TGFBR3L: variants seen among roughly 807,000 people sequenced by gnomAD.
The protein encoded by TGFBR3L is transforming growth factor-beta receptor type 3-like protein.
In TGFBR3L, 21 loss-of-function variants were observed where a neutral mutation model predicts 20.4. The ratio of observed to expected loss-of-function variants is 1.03; its 90% CI spans 0.73 to 1.48. The LOEUF is 1.48. TGFBR3L is among the 40% of genes most tolerant of loss of function. The probability of loss-of-function intolerance (pLI) is 0.00; values close to 1 mark genes in which losing one functional copy is unlikely to be tolerated. For synonymous variants in TGFBR3L, 245 were observed against 244.2 expected (o/e 1.00, Z -0.03); for missense variants, 479 against 498.0 (o/e 0.96, Z 0.36).
chr19:7,917,391 C>A, intron 2 of TGFBR3L, 82 bp from the exon 4 acceptor site: 3 of 1,453,788 alleles, frequency 2.1e-6, no homozygotes, highest in Non-Finnish European at 2.7e-6. Context: ...GGACTCAGGT[C>A]TCTCTTGGGG....
At position 7,916,744 on chromosome 19, in the gene TGFBR3L, C is replaced by G. The variant is rs765661160; in HGVS notation, c.399C>G (p.Asp133Glu). The stretch of plus-strand genomic sequence containing the variant: ...TGCTGCGTGAGGGCTGCCCCGCCGA[C>G]ACCTCTGTCGCCTTCCCGCCACCGC... Residue 133 changes from aspartate to glutamate, a missense_variant, in exon 2 of 6, where the codon GAC (aspartate) becomes GAG (glutamate). Asp to Glu is a conservative substitution (Grantham distance 45). Coordinates refer to ENST00000565886, the MANE Select transcript of TGFBR3L (RefSeq NM_001195259.2). 6.7e-7 allele frequency: 1 copy of G among 1,491,664 alleles called. No individual in the cohort carries two copies. Among genetic ancestry groups the G allele is most frequent in the South Asian group, 1.3e-5 (1 of 79,362 alleles). 92.4% of individuals were successfully genotyped at this position (1,491,664 alleles called of 1,614,324 possible).
chr19:7,915,386 C>T lies in TGFBR3L; in HGVS notation c.-882C>T, dbSNP rs565149792. Among the ~76,000 whole-genome samples the T allele has an allele frequency of 6.6e-6, 1 of 152,268 alleles. No homozygotes were observed. The highest frequency in any genetic ancestry group is 1.9e-4 in the East Asian group (1 of 5,176). ...CCCCATCCCAAGGGTGGCTCACATCCCCACTTCGGCAAAGCTCCCTGCAGC... is the reference window on the plus strand; with the variant it reads ...CCCCATCCCAAGGGTGGCTCACATCTCCACTTCGGCAAAGCTCCCTGCAGC... On this transcript the variant is annotated 5_prime_UTR_variant, in exon 1 of 6. Coordinates refer to ENST00000565886, the MANE Select transcript of TGFBR3L (RefSeq NM_001195259.2).
At chr19:7,918,752 G>T (rs1019038992) in intron 5 of TGFBR3L, 165 bp from the exon 7 acceptor site, 7 of 396,568 alleles carry the variant, frequency 1.8e-5, no homozygotes, top group African/African-American at 1.2e-4. Flanking sequence ...CGAGCCAGGG[G>T]CATTAGGTGA....
chr19:7,915,196 A>C lies in TGFBR3L; in HGVS notation c.-1072A>C, dbSNP rs940583968. On this transcript the variant is annotated 5_prime_UTR_variant, in exon 1 of 6. Transcript: ENST00000565886. ...CCCCATGTTGGCCAGGCTGGTCTCG[A>C]ACTCCTGACCTCAGGCGATCCGCCC... 6.6e-6 allele frequency among the ~76,000 whole-genome samples: 1 copy of C among 152,104 alleles called. No individual in the cohort carries two copies. Among genetic ancestry groups the C allele is most frequent in the Non-Finnish European group, 1.5e-5 (1 of 68,006 alleles).
chr19:7,917,624 T>G, intron 3 of TGFBR3L, 25 bp downstream of exon 4: 1 of 1,434,986 alleles, frequency 7.0e-7, no homozygotes, highest in South Asian at 1.4e-5. Context: ...CTCCTCCGCA[T>G]GGGGCCGTGG....
chr19:7,918,385 C>T (rs1482933920), intron 5 of TGFBR3L, among the ~76,000 whole-genome samples: 6 of 152,136 alleles, frequency 3.9e-5, no homozygotes, highest in Admixed American at 6.5e-5. Flanking sequence ...TACAGGCATG[C>T]GCCACCACAC....
At position 7,914,927 on chromosome 19, in the gene TGFBR3L, T is replaced by C. The variant is rs1983206487; in HGVS notation, c.-1341T>C. Among the ~76,000 whole-genome samples the C allele has an allele frequency of 6.6e-6, 1 of 152,148 alleles. No homozygotes were observed. The highest frequency in any genetic ancestry group is 1.5e-5 in the Non-Finnish European group (1 of 68,018). On this transcript the variant is annotated 5_prime_UTR_variant, in exon 1 of 6. Coordinates refer to ENST00000565886, the MANE Select transcript of TGFBR3L (RefSeq NM_001195259.2). ...ACCTTACCCAGCGGGCCACCTGGTA[T>C]GTATGGGCAGGGAGGTGACGGGTCT...
At position 7,916,999 on chromosome 19, in the gene TGFBR3L, G is replaced by A. The variant is rs539194875; in HGVS notation, c.597+57G>A. The A allele has an allele frequency of 1.5e-3, 1,896 of 1,262,064 alleles. 3 individuals carry two copies. Among genetic ancestry groups the A allele is most frequent in the Middle Eastern group, 2.1e-3 (7 of 3,268 alleles). The allele number at this position is 1,262,064 out of a possible 1,614,324, so 78.2% of individuals were successfully genotyped here. On this transcript the variant is annotated intron_variant, in intron 2 of 5. Coordinates refer to ENST00000565886, the MANE Select transcript of TGFBR3L (RefSeq NM_001195259.2). The stretch of plus-strand genomic sequence containing the variant: ...CTGGGGCCCTTCGGGGGCTGGGCAC[G>A]GGCGACTCTGGCAGTGGAAAGAGGA...
chr19:7,916,213 A>G lies in TGFBR3L; in HGVS notation c.-55A>G. ...TCAGTTGCTGGGCTGTGCGAGTCCC[A>G]GGGGTCGCCAGGGGGCACATCACCG... On this transcript the variant is annotated 5_prime_UTR_variant, in exon 1 of 6. Coordinates refer to ENST00000565886, the MANE Select transcript of TGFBR3L (RefSeq NM_001195259.2). 6.6e-7 allele frequency: 1 copy of G among 1,506,524 alleles called. No homozygotes were observed. The highest frequency in any genetic ancestry group is 8.8e-7 in the Non-Finnish European group (1 of 1,130,950). The allele number at this position is 1,506,524 out of a possible 1,614,324, so 93.3% of individuals were successfully genotyped here.
At chr19:7,918,250 T>TG in intron 5 of TGFBR3L, 121 bp downstream of exon 6, 1 of 1,071,466 alleles carries the variant, frequency 9.3e-7, no homozygotes, top group Non-Finnish European at 1.3e-6. Context: ...TTTGTTTGTT[T>TG]TTTGAGACGG....
rs1291886835 is a variant in TGFBR3L at position 7,917,480 on chromosome 19, C to T, written c.605C>T (p.Pro202Leu). 1 of 1,526,628 alleles carries T rather than the reference C, an allele frequency of 6.6e-7. No individual in the cohort carries two copies. The highest frequency in any genetic ancestry group is 8.7e-7 in the Non-Finnish European group (1 of 1,143,182). 94.6% of individuals were successfully genotyped at this position (1,526,628 alleles called of 1,614,324 possible). The change falls in exon 3 of 6, where the codon CCT (proline) becomes CTT (leucine). Residue 202 changes from proline to leucine, a missense_variant. Pro to Leu is a moderately conservative substitution (Grantham distance 98). Transcript: ENST00000565886. ...CACCTTCCTCTCCCCCAGTGTCTGC[C>T]TCAGGACGAGGCGTGCGCCGACACT... is the stretch of plus-strand genomic sequence containing the variant.
At position 7,915,573 on chromosome 19, in the gene TGFBR3L, C is replaced by T. The variant is rs546435002; in HGVS notation, c.-695C>T. On this transcript the variant is annotated 5_prime_UTR_variant, in exon 1 of 6. Transcript: ENST00000565886. ...TTGAAGCCAGGAGTTCCAGACCAGC[C>T]TGGGCAACATAGACCCCGTATGGCC... Among the ~76,000 whole-genome samples, 13 of 152,244 alleles carry T rather than the reference C, an allele frequency of 8.5e-5. No homozygotes were observed. In the South Asian group the frequency reaches 2.3e-3, roughly 27 times the overall value.
At chr19:7,918,880 G>A (rs1305119739) in intron 5 of TGFBR3L, 37 bp from the exon 7 acceptor site, 6 of 398,446 alleles carry the variant, frequency 1.5e-5, no homozygotes, top group Non-Finnish European at 2.7e-5. Context: ...CCCGCGTAGC[G>A]TCCCCTCCCT....
chr19:7,917,995 G>A, intron 4 of TGFBR3L, 62 bp from the exon 6 acceptor site: 6 of 1,507,962 alleles, frequency 4.0e-6, no homozygotes, highest in Non-Finnish European at 4.4e-6. Flanking sequence ...CAGCCCCCAG[G>A]GGCCGCCCTT....
chr19:7,916,276 A>G lies in TGFBR3L; in HGVS notation c.9A>G (p.Glu3=). 1 of 1,534,666 alleles carries G rather than the reference A, an allele frequency of 6.5e-7. No homozygotes were observed. The highest frequency in any genetic ancestry group is 8.7e-7 in the Non-Finnish European group (1 of 1,146,300). Reference sequence around the variant, plus strand: ...GTGGCGCGGAGCCCATCATGGGTGAATCGGCCGCCGCAACCGCATCCCTTT... The same window carrying G: ...GTGGCGCGGAGCCCATCATGGGTGAGTCGGCCGCCGCAACCGCATCCCTTT... Residue 3 remains glutamate (E), a synonymous_variant, in exon 1 of 6, where the codon GAA becomes GAG. Transcript: ENST00000565886.
Position 7,916,936 on chromosome 19 carries a change from A to G in TGFBR3L, c.591A>G (p.Pro197=). ...TGACGCCGCCGCCGCCGCCGCCGCC[A>G]TCGCGGGTGCGCGGGCGCAGAGCCT... is the stretch of plus-strand genomic sequence containing the variant. The change falls in exon 2 of 6, where the codon CCA becomes CCG. Residue 197 remains proline, a synonymous_variant. Coordinates refer to ENST00000565886, the MANE Select transcript of TGFBR3L (RefSeq NM_001195259.2). 7.8e-7 allele frequency: 1 copy of G among 1,288,154 alleles called. No individual in the cohort carries two copies. 79.8% of individuals were successfully genotyped at this position (1,288,154 alleles called of 1,614,324 possible).
In TGFBR3L at chr19:7,917,471, A is replaced by C; in HGVS notation, c.598-2A>C. On this transcript the variant is annotated splice_acceptor_variant, in intron 2 of 5. Coordinates refer to ENST00000565886, the MANE Select transcript of TGFBR3L (RefSeq NM_001195259.2). LOFTEE classifies it high-confidence loss of function. ...TCTCTTCCCCACCTTCCTCTCCCCCAGTGTCTGCCTCAGGACGAGGCGTGC... is the reference window on the plus strand; with the variant it reads ...TCTCTTCCCCACCTTCCTCTCCCCCCGTGTCTGCCTCAGGACGAGGCGTGC... The C allele has an allele frequency of 2.0e-6, 3 of 1,524,330 alleles. No individual in the cohort carries two copies. The highest frequency in any genetic ancestry group is 1.2e-5 in the South Asian group (1 of 83,114). 94.4% of individuals were successfully genotyped at this position (1,524,330 alleles called of 1,614,324 possible).
rs939390841 is a variant in TGFBR3L at position 7,915,764 on chromosome 19, G to A, written c.-504G>A. Among the ~76,000 whole-genome samples, 4 of 152,172 alleles carry A rather than the reference G, an allele frequency of 2.6e-5. No individual in the cohort carries two copies. The highest frequency in any genetic ancestry group is 1.3e-4 in the Admixed American group (2 of 15,276). Reference sequence around the variant, plus strand: ...GAAAACAAGAAAAATGGATGTGCAGGCAATCTTTCGTATTTGGAGATTAGC... The same window carrying A: ...GAAAACAAGAAAAATGGATGTGCAGACAATCTTTCGTATTTGGAGATTAGC... On this transcript the variant is annotated 5_prime_UTR_variant, in exon 1 of 6. Transcript: ENST00000565886.
chr19:7,916,588 A>G, intron 1 of TGFBR3L, 34 bp from the exon 3 acceptor site: 1 of 1,436,530 alleles, frequency 7.0e-7, no homozygotes, highest in East Asian at 2.6e-5. Flanking sequence ...GCCGGTGGGG[A>G]CGGGCGATCC....
Sources: gnomAD v4.1 joint callset for allele counts (sites outside exome capture counted in the v4.1 genomes callset) on GRCh38, gnomAD v4.1.1 for gene constraint, MANE v1.5 for transcripts, NCBI Gene and HGNC (gene_info 2026-07-23, HGNC 2026-07-21) for gene names.